MNAT1: variants seen among roughly 807,000 people sequenced by gnomAD.
MNAT1 encodes MNAT1 component of CDK activating kinase, also known as CDK-activating kinase assembly factor MAT1.
Under a neutral mutation model 42.0 loss-of-function variants are expected in MNAT1, and 43 were observed. That is an observed-to-expected ratio of 1.02 (90% CI 0.80 to 1.32). The LOEUF is 1.32. MNAT1 is among the 40% of genes most tolerant of loss of function. MNAT1 has a pLI of 0.00. For missense variants in MNAT1, 306 were observed against 350.4 expected, an observed-to-expected ratio of 0.87 and a Z score of 1.01; for synonymous variants, 118 against 120.0, an observed-to-expected ratio of 0.98 and a Z score of 0.11.
At chr14:60,898,404 C>G (rs1156988352) in intron 7 of MNAT1, among the ~76,000 whole-genome samples, 1 of 152,208 alleles carries the variant, frequency 6.6e-6, no homozygotes, top group Admixed American at 6.5e-5. Flanking sequence ...CCTCTTTTCT[C>G]TGTATCCTTA....
intron 7 of MNAT1, among the ~76,000 whole-genome samples, chr14:60,948,712 G>A (rs1474680957): frequency 6.6e-6 from 1 of 152,110 alleles, no homozygotes; most frequent in African/African-American, 2.4e-5. Flanking sequence ...AGAAAACAGG[G>A]ACTGTTTGTC....
chr14:60,939,868 A>T (rs565072818), intron 7 of MNAT1, among the ~76,000 whole-genome samples: 1 of 152,206 alleles, frequency 6.6e-6, no homozygotes, highest in Admixed American at 6.5e-5. Context: ...TGGGAGTCTA[A>T]GTCTCTTTGT....
intron 7 of MNAT1, among the ~76,000 whole-genome samples, chr14:60,931,695 G>C (rs552781326): frequency 6.6e-6 from 1 of 151,962 alleles, no homozygotes; most frequent in South Asian, 2.1e-4. Flanking sequence ...TAATATTTTT[G>C]ATTTAGTCAG....
At chr14:60,922,441 AC>A (rs2035681377) in intron 7 of MNAT1, among the ~76,000 whole-genome samples, 1 of 152,192 alleles carries the variant, frequency 6.6e-6, no homozygotes, top group African/African-American at 2.4e-5. Flanking sequence ...TGCATATGTT[AC>A]CACAGAAATC....
intron 7 of MNAT1, among the ~76,000 whole-genome samples, chr14:60,917,796 G>C (rs534251761): frequency 1.4e-4 from 22 of 151,936 alleles, no homozygotes; most frequent in African/African-American, 4.6e-4. Flanking sequence ...CTAACTTTTT[G>C]TATTTTTAAT....
chr14:60,957,040 T>G (rs1168102017), intron 7 of MNAT1, among the ~76,000 whole-genome samples: 1 of 152,182 alleles, frequency 6.6e-6, no homozygotes, highest in Admixed American at 6.5e-5. Context: ...AATGGTGTTG[T>G]AGTTATTTGG....
intron 6 of MNAT1, among the ~76,000 whole-genome samples, chr14:60,855,360 T>TA (rs377039884): frequency 8.6e-5 from 13 of 151,758 alleles, no homozygotes; most frequent in East Asian, 3.9e-4. Context: ...CACTGGGTTA[T>TA]AAAAAAAACC....
intron 5 of MNAT1, among the ~76,000 whole-genome samples, chr14:60,816,257 G>C (rs1435630954): frequency 6.6e-6 from 1 of 151,940 alleles, no homozygotes; most frequent in Non-Finnish European, 1.5e-5. Context: ...TAATGTTTAT[G>C]GCTTAGTATT....
intron 7 of MNAT1, among the ~76,000 whole-genome samples, chr14:60,912,361 A>C (rs1406069684): frequency 2.0e-5 from 3 of 152,226 alleles, no homozygotes; most frequent in African/African-American, 7.2e-5. Flanking sequence ...TGATCCTGTC[A>C]TTATGATGTT....
intron 7 of MNAT1, among the ~76,000 whole-genome samples, chr14:60,929,162 A>ATATATAT (rs1422031735): frequency 2.6e-4 from 33 of 127,896 alleles, no homozygotes; most frequent in African/African-American, 4.3e-4. Context: ...AAAAAAAAAA[A>ATATATAT]AAAAAAAAAT....
At chr14:60,771,889 A>G (rs2031073096) in intron 1 of MNAT1, among the ~76,000 whole-genome samples, 1 of 152,212 alleles carries the variant, frequency 6.6e-6, no homozygotes, top group Non-Finnish European at 1.5e-5. Context: ...TCGGTGAAAA[A>G]GTGTCCATTT....
intron 6 of MNAT1, among the ~76,000 whole-genome samples, chr14:60,863,315 C>G (rs910721662): frequency 6.6e-6 from 1 of 151,990 alleles, no homozygotes; most frequent in African/African-American, 2.4e-5. Flanking sequence ...CTTCATGACT[C>G]TTTTCTCGTT....
intron 1 of MNAT1, among the ~76,000 whole-genome samples, chr14:60,744,178 C>T (rs1466011712): frequency 6.6e-6 from 1 of 151,014 alleles, no homozygotes; most frequent in Non-Finnish European, 1.5e-5. Flanking sequence ...GTTGCCCATG[C>T]TGGAGTGCAG....
chr14:60,751,150 G>T (rs1490699406), intron 1 of MNAT1, among the ~76,000 whole-genome samples: 1 of 150,398 alleles, frequency 6.6e-6, no homozygotes, highest in Non-Finnish European at 1.5e-5. Context: ...AGGATATATG[G>T]TTGCATAGCC....
intron 1 of MNAT1, among the ~76,000 whole-genome samples, chr14:60,770,376 C>T (rs916454793): frequency 2.6e-5 from 4 of 152,144 alleles, no homozygotes; most frequent in Non-Finnish European, 5.9e-5. Flanking sequence ...TGTTAATGCT[C>T]CAATGAACAT....
At chr14:60,841,414 A>G (rs926760428) in intron 6 of MNAT1, among the ~76,000 whole-genome samples, 1 of 151,694 alleles carries the variant, frequency 6.6e-6, no homozygotes, top group Non-Finnish European at 1.5e-5. Flanking sequence ...CAACACATAA[A>G]GTTGTGTGTG....
intron 6 of MNAT1, among the ~76,000 whole-genome samples, chr14:60,852,855 T>C (rs1323855207): frequency 2.0e-5 from 3 of 152,232 alleles, no homozygotes; most frequent in African/African-American, 7.2e-5. Context: ...CAGATGGTTG[T>C]AGATGTGTGG....
At chr14:60,851,473 T>C (rs551382454) in intron 6 of MNAT1, among the ~76,000 whole-genome samples, 4 of 152,324 alleles carry the variant, frequency 2.6e-5, no homozygotes, top group African/African-American at 9.6e-5. Context: ...ATTCTCACTT[T>C]GTGTCTCTGT....
At chr14:60,920,310 C>T (rs923235652) in intron 7 of MNAT1, among the ~76,000 whole-genome samples, 1 of 152,160 alleles carries the variant, frequency 6.6e-6, no homozygotes, top group Non-Finnish European at 1.5e-5. Flanking sequence ...CAATTAGTGT[C>T]TAGAGGGCTA....
Sources: allele counts gnomAD v4.1 joint callset (sites outside exome capture counted in the v4.1 genomes callset), GRCh38; gene constraint gnomAD v4.1.1; transcripts MANE v1.5; gene names NCBI Gene and HGNC (gene_info 2026-07-23, HGNC 2026-07-21).